The following ACTN4 variants were observed in gnomAD, a reference collection of about 807,000 sequenced individuals.
ACTN4 encodes the protein alpha-actinin-4.
A neutral mutation model predicts 114.2 loss-of-function variants in ACTN4; 18 were observed. That is an observed-to-expected ratio of 0.16 (90% CI 0.11 to 0.23). The LOEUF (loss-of-function observed/expected upper bound fraction) is 0.23, where lower values mean the gene tolerates loss of function less well. Among genes scored for constraint, ACTN4 ranks in the 10% least tolerant of loss-of-function variants. The pLI is 1.00. For missense variants in ACTN4, 722 were observed against 1,262.9 expected, an observed-to-expected ratio of 0.57 and a Z score of 6.49; for synonymous variants, 515 against 506.3, an observed-to-expected ratio of 1.02 and a Z score of -0.23.
intron 1 of ACTN4, among the ~76,000 whole-genome samples, chr19:38,690,866 C>A (rs953739539): frequency 6.6e-6 from 1 of 152,148 alleles, no homozygotes; most frequent in African/African-American, 2.4e-5. Flanking sequence ...AAAATTGATT[C>A]TCCAAATTAT....
At chr19:38,662,217 A>G (rs771396580) in intron 1 of ACTN4, among the ~76,000 whole-genome samples, 9 of 152,156 alleles carry the variant, frequency 5.9e-5, no homozygotes, top group Non-Finnish European at 1.2e-4. Context: ...AGCTTGTCAA[A>G]CGAGTTATGT....
At chr19:38,719,108 A>T (rs1968946401) in intron 11 of ACTN4, among the ~76,000 whole-genome samples, 1 of 152,144 alleles carries the variant, frequency 6.6e-6, no homozygotes, top group Non-Finnish European at 1.5e-5. Context: ...TTGGCTCCAG[A>T]TGTGGGATTT....
intron 1 of ACTN4, among the ~76,000 whole-genome samples, chr19:38,692,890 A>G (rs980692099): frequency 2.6e-5 from 4 of 152,150 alleles, no homozygotes; most frequent in African/African-American, 9.7e-5. Flanking sequence ...CCTCCCCCTC[A>G]AAGCAACTGA....
rs764253245 is a variant in ACTN4 at position 38,728,006 on chromosome 19, G to A, written c.2398G>A (p.Asp800Asn). 2.5e-6 allele frequency: 4 copies of A among 1,613,052 alleles called. No individual in the cohort carries two copies. Among genetic ancestry groups the A allele is most frequent in the Non-Finnish European group, 2.5e-6 (3 of 1,179,906 alleles). The change falls in exon 19 of 21, where the codon GAC becomes AAC. Residue 800 changes from aspartate (D) to asparagine (N), a missense_variant. By Grantham distance (23) the Asp-to-Asn change is conservative (BLOSUM62 1). Transcript: ENST00000252699. ...GGCCTGCCTCATCAGCCTGGGCTACGACGTGGAGAACGACCGGCAGGTACT... is the reference window on the plus strand; with the variant it reads ...GGCCTGCCTCATCAGCCTGGGCTACAACGTGGAGAACGACCGGCAGGTACT... ...FKACLISLGYDVENDRQGEAE... is the reference protein window; with the variant it reads ...FKACLISLGYNVENDRQGEAE...
chr19:38,712,486 CGGCAGCTGCCATTTA>C (rs1968689246), intron 8 of ACTN4, among the ~76,000 whole-genome samples: 1 of 152,132 alleles, frequency 6.6e-6, no homozygotes, highest in South Asian at 2.1e-4. Context: ...GTGCCTGGCA[CGGCAGCTGCCATTTA>C]GGCAGCTGCC....
intron 11 of ACTN4, among the ~76,000 whole-genome samples, chr19:38,720,236 G>T (rs1394460761): frequency 6.6e-6 from 1 of 152,204 alleles, no homozygotes; most frequent in Non-Finnish European, 1.5e-5. Flanking sequence ...TGAGGGACTT[G>T]ATTTCCTGGG....
intron 7 of ACTN4, 42 bp downstream of exon 7, chr19:38,709,518 T>G (rs1158675038): frequency 7.0e-6 from 11 of 1,563,270 alleles, no homozygotes; most frequent in Non-Finnish European, 9.7e-6. Flanking sequence ...TGCTTCCTGA[T>G]GGCCTTTTCT....
Position 38,717,290 on chromosome 19 carries a change from A to C in ACTN4, c.1117A>C (p.Met373Leu). 1 of 1,613,640 alleles carries C rather than the reference A, an allele frequency of 6.2e-7. No individual in the cohort carries two copies. The highest frequency in any genetic ancestry group is 8.5e-7 in the Non-Finnish European group (1 of 1,179,960). Residue 373 changes from methionine (M) to leucine (L), a missense_variant, in exon 10 of 21, where the codon ATG (methionine) becomes CTG (leucine). By Grantham distance (15) the Met-to-Leu change is conservative (BLOSUM62 2). Transcript: ENST00000252699. This position sits in a 1 kb window ranked among gnomAD's most constrained non-coding sequence, Gnocchi z 4.0. Reference sequence around the variant, plus strand: ...GCGCCTCAGCAACCGGCCCGCCTTCATGCCCTCCGAGGGCAAGATGGTCTC... The same window carrying C: ...GCGCCTCAGCAACCGGCCCGCCTTCCTGCCCTCCGAGGGCAAGATGGTCTC... ...KLRLSNRPAFMPSEGKMVSDI... is the reference protein window; with the variant it reads ...KLRLSNRPAFLPSEGKMVSDI...
intron 1 of ACTN4, among the ~76,000 whole-genome samples, chr19:38,689,884 A>G (rs116448363): frequency 0.02 from 3,109 of 152,220 alleles, 142 homozygotes; most frequent in South Asian, 0.15. Context: ...CATGTTGGCC[A>G]TGAGAGACAG....
intron 1 of ACTN4, among the ~76,000 whole-genome samples, chr19:38,666,886 A>G (rs996037988): frequency 7.2e-5 from 11 of 152,108 alleles, no homozygotes; most frequent in African/African-American, 2.4e-4. Context: ...ACTGGGCCCA[A>G]CCCACTTTGT....
In ACTN4 at chr19:38,717,029, C is replaced by G; in HGVS notation, c.913-57C>G. Reference sequence around the variant, plus strand: ...CATGTGCCCATAAGCTGGGGGGCAGCCCGTCAGCACTCTGAGGGTCCCCCA... The same window carrying G: ...CATGTGCCCATAAGCTGGGGGGCAGGCCGTCAGCACTCTGAGGGTCCCCCA... On this transcript the variant is annotated intron_variant, in intron 9 of 20. Transcript: ENST00000252699. The surrounding 1 kb of genome is among the most constrained non-coding windows in gnomAD (Gnocchi z 4.0). 1 of 1,546,504 alleles carries G rather than the reference C, an allele frequency of 6.5e-7. No individual in the cohort carries two copies. The highest frequency in any genetic ancestry group is 8.8e-7 in the Non-Finnish European group (1 of 1,138,004).
intron 1 of ACTN4, among the ~76,000 whole-genome samples, chr19:38,699,329 G>A (rs1340825036): frequency 6.6e-6 from 1 of 152,178 alleles, no homozygotes; most frequent in East Asian, 1.9e-4. Context: ...TCGGCTTCTT[G>A]TTTAGTACCC....
intron 7 of ACTN4, 35 bp from the exon 8 acceptor site, chr19:38,710,222 A>G: frequency 6.2e-7 from 1 of 1,612,592 alleles, no homozygotes; most frequent in Non-Finnish European, 8.5e-7. Flanking sequence ...CCCCCGCCCT[A>G]CTCGGGCAGT....
rs1244375802 is a variant in ACTN4, at chr19:38,730,366, C to T, written c.*934C>T. On this transcript the variant is annotated 3_prime_UTR_variant, in exon 21 of 21. Transcript: ENST00000252699. ...CGTCGGGCGTGGGTCTCTGGGGACCCTCCAGAGGTGGAGGTGGGCTGATGG... is the reference window on the plus strand; with the variant it reads ...CGTCGGGCGTGGGTCTCTGGGGACCTTCCAGAGGTGGAGGTGGGCTGATGG... The T allele has an allele frequency of 5.3e-6, 1 of 187,944 alleles. No individual in the cohort carries two copies. Among genetic ancestry groups the T allele is most frequent in the Non-Finnish European group, 1.1e-5 (1 of 88,948 alleles). The allele number at this position is 187,944 out of a possible 1,614,324, so 11.6% of individuals were successfully genotyped here.
At chr19:38,705,829 C>T (rs1968440782) in intron 4 of ACTN4, among the ~76,000 whole-genome samples, 1 of 152,012 alleles carries the variant, frequency 6.6e-6, no homozygotes, top group Non-Finnish European at 1.5e-5. Context: ...TAAGCAGGGC[C>T]GTGTGTCCTG....
intron 1 of ACTN4, among the ~76,000 whole-genome samples, chr19:38,685,579 A>G (rs946453035): frequency 2.0e-5 from 3 of 152,138 alleles, no homozygotes; most frequent in Non-Finnish European, 4.4e-5. Context: ...TAATCCTCTC[A>G]GTGCTCCAAA....
chr19:38,721,395 G>T, intron 11 of ACTN4, 143 bp from the exon 12 acceptor site: 1 of 1,014,066 alleles, frequency 9.9e-7, no homozygotes, highest in Non-Finnish European at 1.5e-6. Context: ...AGAAGATTCT[G>T]GAAGTTTCCA....
Position 38,724,179 on chromosome 19 carries a change from A to G in ACTN4, c.1715A>G (p.Gln572Arg), listed in dbSNP as rs1969148995. Residue 572 changes from glutamine to arginine, a missense_variant, in exon 15 of 21, where the codon CAG (glutamine) becomes CGG (arginine). Gln to Arg is a conservative substitution (Grantham distance 43). Transcript: ENST00000252699. The surrounding 1 kb of genome is among the most constrained non-coding windows in gnomAD (Gnocchi z 7.0). ...EIEGLISAHD[Q>R]FKSTLPDADR... The stretch of plus-strand genomic sequence containing the variant: ...TAGGGCCTGATCTCAGCCCATGACC[A>G]GTTCAAGTCCACCCTGCCGGACGCC... The G allele has an allele frequency of 1.2e-6, 2 of 1,613,648 alleles. No homozygotes were observed. The highest frequency in any genetic ancestry group is 1.7e-5 in the Admixed American group (1 of 59,990).
intron 7 of ACTN4, among the ~76,000 whole-genome samples, chr19:38,709,856 G>A (rs1345300176): frequency 6.6e-6 from 1 of 152,340 alleles, no homozygotes; most frequent in Non-Finnish European, 1.5e-5. Context: ...CAGGCATGGA[G>A]TATGGAGCCC....
Sources: allele counts gnomAD v4.1 joint callset (sites outside exome capture counted in the v4.1 genomes callset), GRCh38; gene constraint gnomAD v4.1.1; non-coding constraint Gnocchi (gnomAD v3.1); transcripts MANE v1.5; gene names NCBI Gene and HGNC (gene_info 2026-07-23, HGNC 2026-07-21).